The following RBFOX1 variants were observed in gnomAD, a reference collection of about 807,000 sequenced individuals.
RBFOX1 encodes RNA binding protein fox-1 homolog 1.
In RBFOX1, 8 loss-of-function variants were observed where a neutral mutation model predicts 57.7. That is an observed-to-expected ratio of 0.14 (90% CI 0.08 to 0.25). The LOEUF (loss-of-function observed/expected upper bound fraction) is 0.25, where lower values mean the gene tolerates loss of function less well. Ranked by LOEUF, RBFOX1 falls within the 10% of genes least tolerant of loss-of-function variation. The pLI is 1.00. For synonymous variants in RBFOX1, 326 were observed against 222.4 expected, an observed-to-expected ratio of 1.47 and a Z score of -4.15; for missense variants, 611 against 548.5, an observed-to-expected ratio of 1.11 and a Z score of -1.14.
rs191112177 is a variant in RBFOX1 at position 6,309,412 on chromosome 16, G to A, written c.-126-7583G>A. ...GACAGTGCAAATTAAAAGATCCGGC[G>A]CGGCCCAGGAACCAGGGACCCAAAC... On this transcript the variant is annotated intron_variant, in intron 1 of 15. Transcript: ENST00000550418. Among the ~76,000 whole-genome samples the A allele has an allele frequency of 2.0e-3, 297 of 152,266 alleles. 1 individual carries two copies. Among genetic ancestry groups the A allele is most frequent in the Admixed American group, 3.6e-3 (55 of 15,290 alleles).
intron 2 of RBFOX1, among the ~76,000 whole-genome samples, chr16:6,327,929 C>T (rs2082566397): frequency 1.3e-5 from 2 of 152,164 alleles, no homozygotes; most frequent in Admixed American, 6.5e-5. Context: ...TGGTCCCAGT[C>T]TGCTTTTATG....
chr16:5,304,719 T>C (rs2063890267), intron 1 of RBFOX1, among the ~76,000 whole-genome samples: 1 of 152,080 alleles, frequency 6.6e-6, no homozygotes, highest in African/African-American at 2.4e-5. Flanking sequence ...CTCATAAACA[T>C]ACAACTCCAT....
intron 3 of RBFOX1, among the ~76,000 whole-genome samples, chr16:6,838,558 C>T (rs577792884): frequency 6.6e-6 from 1 of 152,324 alleles, no homozygotes; most frequent in African/African-American, 2.4e-5. Context: ...TCTGCACACA[C>T]TGCCTATGAG....
In RBFOX1 at chr16:6,843,932, C is replaced by G. The variant is rs745770156; in HGVS notation, c.-16+189282C>G. ...GGGGGGAAATTACCAGAATTCTCCA[C>G]TGTCTCATGGAAATCACAAGGCTTG... On this transcript the variant is annotated intron_variant, in intron 3 of 15. Coordinates refer to ENST00000550418, the MANE Select transcript of RBFOX1 (RefSeq NM_018723.4). Among the ~76,000 whole-genome samples, 27 of 152,156 alleles carry G rather than the reference C, an allele frequency of 1.8e-4. 1 individual carries two copies. The highest frequency in any genetic ancestry group is 3.5e-4 in the Non-Finnish European group (24 of 68,028).
chr16:5,974,570 A>C (rs1017215647), intron 4 of RBFOX1, among the ~76,000 whole-genome samples: 3 of 151,998 alleles, frequency 2.0e-5, no homozygotes, highest in Non-Finnish European at 4.4e-5. Context: ...AGATGGCACC[A>C]TTGCACTTGA....
chr16:5,385,130 T>G (rs2066224741), intron 1 of RBFOX1, among the ~76,000 whole-genome samples: 1 of 152,238 alleles, frequency 6.6e-6, no homozygotes, highest in Non-Finnish European at 1.5e-5. Flanking sequence ...ATGTATTATG[T>G]GCTTACCAGG....
chr16:6,659,818 G>A (rs1463614345), intron 3 of RBFOX1, among the ~76,000 whole-genome samples: 1 of 152,102 alleles, frequency 6.6e-6, no homozygotes, highest in Non-Finnish European at 1.5e-5. Flanking sequence ...TGGCTTTGAG[G>A]GTGAGGGACA....
chr16:6,538,209 G>T (rs1451090764), intron 2 of RBFOX1, among the ~76,000 whole-genome samples: 2 of 152,166 alleles, frequency 1.3e-5, no homozygotes, highest in Non-Finnish European at 2.9e-5. Context: ...ATGCAAATCA[G>T]GCCAGGCATG....
At chr16:6,632,217 G>T (rs144148173) in intron 2 of RBFOX1, among the ~76,000 whole-genome samples, 49 of 152,086 alleles carry the variant, frequency 3.2e-4, no homozygotes, top group African/African-American at 1.2e-3. Flanking sequence ...AGGAAAGCTG[G>T]AAGAACTTTA....
intron 3 of RBFOX1, among the ~76,000 whole-genome samples, chr16:6,749,494 A>C (rs1436034951): frequency 1.3e-5 from 2 of 152,142 alleles, no homozygotes; most frequent in African/African-American, 4.8e-5. Context: ...CCCACTTTCC[A>C]GATAAGGATA....
intron 4 of RBFOX1, among the ~76,000 whole-genome samples, chr16:7,449,828 G>C (rs1358968336): frequency 1.3e-5 from 2 of 151,896 alleles, no homozygotes; most frequent in Non-Finnish European, 2.9e-5. Context: ...ACCTTCACAG[G>C]GTAAAGTGTT....
At chr16:7,011,812 C>T (rs368817126) in intron 3 of RBFOX1, among the ~76,000 whole-genome samples, 4 of 152,188 alleles carry the variant, frequency 2.6e-5, no homozygotes, top group African/African-American at 4.8e-5. Flanking sequence ...CCGCACCGTG[C>T]CCCAAGTTGT....
chr16:7,255,770 G>C (rs1348418969), intron 4 of RBFOX1, among the ~76,000 whole-genome samples: 1 of 152,000 alleles, frequency 6.6e-6, no homozygotes, highest in Non-Finnish European at 1.5e-5. Flanking sequence ...AATCAATATA[G>C]AAATATTAAC....
chr16:6,951,296 T>G (rs1170167085), intron 3 of RBFOX1, among the ~76,000 whole-genome samples: 2 of 152,184 alleles, frequency 1.3e-5, no homozygotes, highest in Non-Finnish European at 2.9e-5. Flanking sequence ...CAGTTTCAGC[T>G]GTCTGTAGGC....
rs568047243 is a variant in RBFOX1, at chr16:7,456,165, C to T, written c.28-61982C>T. ...TATGTGGCCAATCCTGATTAAGGGG[C>T]AGGGCAGGGCTCTGTGGAGGGTTGA... On this transcript the variant is annotated intron_variant, in intron 4 of 15. Transcript: ENST00000550418. Among the ~76,000 whole-genome samples, 29 of 152,256 alleles carry T rather than the reference C, an allele frequency of 1.9e-4. No individual in the cohort carries two copies. In the South Asian group the frequency reaches 5.4e-3, roughly 28 times the overall value.
chr16:5,299,887 T>C (rs1287075401), intron 1 of RBFOX1, among the ~76,000 whole-genome samples: 1 of 152,120 alleles, frequency 6.6e-6, no homozygotes, highest in East Asian at 1.9e-4. Flanking sequence ...GGGAAAAACA[T>C]TGTTTTACTG....
intron 1 of RBFOX1, among the ~76,000 whole-genome samples, chr16:5,338,242 C>T (rs2064947639): frequency 6.6e-6 from 1 of 152,100 alleles, no homozygotes; most frequent in Non-Finnish European, 1.5e-5. Flanking sequence ...TATTCCACGA[C>T]CTCAGAATCT....
At chr16:7,312,384 A>G (rs1008905994) in intron 4 of RBFOX1, among the ~76,000 whole-genome samples, 1 of 152,234 alleles carries the variant, frequency 6.6e-6, no homozygotes, top group African/African-American at 2.4e-5. Flanking sequence ...CTTTCTCAAC[A>G]GCAGCAACAA....
chr16:7,288,205 C>T (rs918204894), intron 4 of RBFOX1, among the ~76,000 whole-genome samples: 39 of 152,236 alleles, frequency 2.6e-4, no homozygotes, highest in African/African-American at 9.4e-4. Context: ...GTTTGTGATC[C>T]TGTAATTCAA....
Sources: allele counts gnomAD v4.1 joint callset (sites outside exome capture counted in the v4.1 genomes callset), GRCh38; gene constraint gnomAD v4.1.1; transcripts MANE v1.5; gene names NCBI Gene and HGNC (gene_info 2026-07-23, HGNC 2026-07-21).